D2HGDH: variants seen among roughly 807,000 people sequenced by gnomAD.
D2HGDH encodes D-2-hydroxyglutarate dehydrogenase.
D2HGDH carries 31 observed loss-of-function variants against 46.9 expected under a neutral mutation model. That is an observed-to-expected ratio of 0.66 (90% CI 0.50 to 0.89). The LOEUF (loss-of-function observed/expected upper bound fraction) is 0.89. Among genes scored for constraint, D2HGDH ranks in the 40% least tolerant of loss-of-function variants. D2HGDH has a pLI of 0.00. For missense variants in D2HGDH, 698 were observed against 720.8 expected (o/e 0.97, Z 0.36); for synonymous variants, 364 against 332.6 (o/e 1.09, Z -1.03).
Position 241,744,577 on chromosome 2 carries a change from A to G in D2HGDH, c.685-132A>G, listed in dbSNP as rs4366942. 522,360 of 1,129,218 alleles carry G rather than the reference A, an allele frequency of 0.46. 125,624 individuals are homozygous for G. The highest frequency in any genetic ancestry group is 0.79 in the African/African-American group (51,440 of 64,974). The allele number at this position is 1,129,218 out of a possible 1,614,324, so 69.9% of individuals were successfully genotyped here. On this transcript the variant is annotated intron_variant, in intron 5 of 9. Coordinates refer to ENST00000321264, the MANE Select transcript of D2HGDH (RefSeq NM_152783.5). ...TGTGTGTGGAGGGTGTCACTCGTAC[A>G]GGAGGAAAGTCCATCCTTCAGCCTC... is the stretch of plus-strand genomic sequence containing the variant.
In D2HGDH at chr2:241,742,032, G is replaced by A. The variant is rs934904783; in HGVS notation, c.351-403G>A. Among the ~76,000 whole-genome samples the A allele has an allele frequency of 2.6e-5, 4 of 152,192 alleles. No individual in the cohort carries two copies. The highest frequency in any genetic ancestry group is 2.0e-4 in the Admixed American group (3 of 15,286). On this transcript the variant is annotated intron_variant, in intron 3 of 9. Coordinates refer to ENST00000321264, the MANE Select transcript of D2HGDH (RefSeq NM_152783.5). The surrounding 1 kb of genome is among the most constrained non-coding windows in gnomAD (Gnocchi z 4.8). ...GGGAGGGAGGTATCCTTGGGCACAC[G>A]TCTGGGGGATAATGGGCCGAGGGTG...
In D2HGDH at chr2:241,743,251, C is replaced by T. The variant is rs939971224; in HGVS notation, c.491-371C>T. 1.3e-4 allele frequency among the ~76,000 whole-genome samples: 20 copies of T among 152,202 alleles called. No individual in the cohort carries two copies. Among genetic ancestry groups the T allele is most frequent in the Non-Finnish European group, 2.2e-4 (15 of 68,030 alleles). On this transcript the variant is annotated intron_variant, in intron 4 of 9. Coordinates refer to ENST00000321264, the MANE Select transcript of D2HGDH (RefSeq NM_152783.5). This position sits in a 1 kb window ranked among gnomAD's most constrained non-coding sequence, Gnocchi z 4.8. ...TTGGGTGTTGAGCAGCATCCTTGGC[C>T]TCCGCCTACAAGGTGCCCATGGCAC...
At position 241,742,694 on chromosome 2, in the gene D2HGDH, G is replaced by A. The variant is rs1219295700; in HGVS notation, c.490+120G>A. 4.0e-5 allele frequency: 53 copies of A among 1,335,458 alleles called. No homozygotes were observed. The highest frequency in any genetic ancestry group is 5.3e-5 in the Non-Finnish European group (50 of 937,322). The allele number at this position is 1,335,458 out of a possible 1,614,324, so 82.7% of individuals were successfully genotyped here. A position where few individuals can be genotyped will look rare whatever the true frequency, so the allele number is the denominator to read the frequency against. On this transcript the variant is annotated intron_variant, in intron 4 of 9. Transcript: ENST00000321264. The surrounding 1 kb of genome is among the most constrained non-coding windows in gnomAD (Gnocchi z 4.8). ...GGTGAATGAGTTAGGGCCGGCGCTG[G>A]GGAAAGAACCAGCGTCTGTAGCCTG...
At chr2:241,757,000 C>T (rs934577022) in intron 9 of D2HGDH, among the ~76,000 whole-genome samples, 7 of 152,178 alleles carry the variant, frequency 4.6e-5, no homozygotes, top group Non-Finnish European at 7.3e-5. Context: ...CTCCATCCAT[C>T]TGCCAGTAAA....
intron 8 of D2HGDH, among the ~76,000 whole-genome samples, chr2:241,751,943 C>T (rs964556504): frequency 6.6e-6 from 1 of 150,886 alleles, no homozygotes; most frequent in Admixed American, 6.6e-5. Flanking sequence ...CCCTCGGTCA[C>T]CGTCACCGGG....
intron 6 of D2HGDH, among the ~76,000 whole-genome samples, chr2:241,748,410 T>C (rs553194582): frequency 6.6e-5 from 10 of 152,328 alleles, no homozygotes; most frequent in South Asian, 6.2e-4. Flanking sequence ...TGTGAGCCAC[T>C]GTGCCCGGCC....
chr2:241,743,885 G>T lies in D2HGDH; in HGVS notation c.684+70G>T, dbSNP rs1427080634. On this transcript the variant is annotated intron_variant, in intron 5 of 9. Coordinates refer to ENST00000321264, the MANE Select transcript of D2HGDH (RefSeq NM_152783.5). The surrounding 1 kb of genome is among the most constrained non-coding windows in gnomAD (Gnocchi z 4.8). ...CCTCTCACGGCTCTCATGGGCCCACGTGGTGGCACAGGTGCATGGGGCCCC... is the reference window on the plus strand; with the variant it reads ...CCTCTCACGGCTCTCATGGGCCCACTTGGTGGCACAGGTGCATGGGGCCCC... 1 of 1,524,156 alleles carries T rather than the reference G, an allele frequency of 6.6e-7. No homozygotes were observed. The highest frequency in any genetic ancestry group is 2.5e-5 in the East Asian group (1 of 40,582). 94.4% of individuals were successfully genotyped at this position (1,524,156 alleles called of 1,614,324 possible). A position where few individuals can be genotyped will look rare whatever the true frequency, so the allele number is the denominator to read the frequency against.
At chr2:241,756,059 G>A (rs760503261) in intron 9 of D2HGDH, 45 bp downstream of exon 9, 16 of 1,557,254 alleles carry the variant, frequency 1.0e-5, no homozygotes, top group Non-Finnish European at 1.4e-5. Context: ...GCTGGGTGGT[G>A]GGCCCCACGG....
chr2:241,755,300 A>G (rs567162429), intron 8 of D2HGDH: 3 of 1,182,148 alleles, frequency 2.5e-6, no homozygotes, highest in Admixed American at 6.4e-5. Flanking sequence ...CCTGCCTCCC[A>G]CCCGACATGC....
intron 6 of D2HGDH, among the ~76,000 whole-genome samples, chr2:241,745,419 T>G (rs1575240433): frequency 6.6e-6 from 1 of 152,058 alleles, no homozygotes; most frequent in African/African-American, 2.4e-5. Flanking sequence ...ATCGGGCGGG[T>G]TTATCCAGCA....
At position 241,767,770 on chromosome 2, in the gene D2HGDH, C is replaced by G; in HGVS notation, c.1367C>G (p.Ala456Gly). ...GCCTTCAGCCCCTCGCTCCTGGCTG[C>G]CCTGGAGCCCCACGTGTACGAGTGG... ...AEAFSPSLLA[A>G]LEPHVYEWTA... Residue 456 changes from alanine to glycine, a missense_variant, in exon 10 of 10, where the codon GCC becomes GGC. Coordinates refer to ENST00000321264, the MANE Select transcript of D2HGDH (RefSeq NM_152783.5). The G allele has an allele frequency of 1.2e-6, 2 of 1,612,522 alleles. No individual in the cohort carries two copies. The highest frequency in any genetic ancestry group is 1.7e-6 in the Non-Finnish European group (2 of 1,179,550).
chr2:241,755,560 C>T (rs140492321), intron 8 of D2HGDH: 23 of 1,427,538 alleles, frequency 1.6e-5, no homozygotes, highest in Middle Eastern at 1.9e-4. Flanking sequence ...CCAGGGTGCT[C>T]GGTGCTGTCG....
At chr2:241,753,950 C>A (rs999182944) in intron 8 of D2HGDH, among the ~76,000 whole-genome samples, 2 of 152,122 alleles carry the variant, frequency 1.3e-5, no homozygotes, top group African/African-American at 4.8e-5. Flanking sequence ...ATGGGGTGTG[C>A]CGGGGAGTGC....
chr2:241,755,005 G>A, intron 8 of D2HGDH: 1 of 1,266,792 alleles, frequency 7.9e-7, no homozygotes, highest in Non-Finnish European at 1.0e-6. Flanking sequence ...TGGTCCTGCA[G>A]CCCACAGAGG....
At chr2:241,767,608 C>T (rs1402223636) in intron 9 of D2HGDH, 102 bp from the exon 10 acceptor site, 18 of 1,336,476 alleles carry the variant, frequency 1.3e-5, no homozygotes, top group South Asian at 2.9e-5. Flanking sequence ...CCGGGGGTCT[C>T]GGGGTTGCTG....
In D2HGDH at chr2:241,742,630, C is replaced by A. The variant is rs1287796514; in HGVS notation, c.490+56C>A. On this transcript the variant is annotated intron_variant, in intron 4 of 9. Transcript: ENST00000321264. The surrounding 1 kb of genome is among the most constrained non-coding windows in gnomAD (Gnocchi z 4.8). ...AGTCCCTCCTGGTGCTGGTGGAGTT[C>A]TTCCTTGCCAGCGTCTGCAACTGTG... 6.2e-7 allele frequency: 1 copy of A among 1,606,082 alleles called. No individual in the cohort carries two copies. The highest frequency in any genetic ancestry group is 8.5e-7 in the Non-Finnish European group (1 of 1,173,124).
intron 9 of D2HGDH, among the ~76,000 whole-genome samples, chr2:241,761,780 C>T (rs1698848003): frequency 6.6e-6 from 1 of 152,084 alleles, no homozygotes; most frequent in Non-Finnish European, 1.5e-5. Flanking sequence ...TTGCACACAG[C>T]TTCTGCTTGA....
In D2HGDH at chr2:241,743,908, C is replaced by T. The variant is rs1695177668; in HGVS notation, c.684+93C>T. 2.1e-6 allele frequency: 3 copies of T among 1,431,774 alleles called. No individual in the cohort carries two copies. The highest frequency in any genetic ancestry group is 2.0e-5 in the Admixed American group (1 of 49,128). The allele number at this position is 1,431,774 out of a possible 1,614,324, so 88.7% of individuals were successfully genotyped here. On this transcript the variant is annotated intron_variant, in intron 5 of 9. Coordinates refer to ENST00000321264, the MANE Select transcript of D2HGDH (RefSeq NM_152783.5). This position sits in a 1 kb window ranked among gnomAD's most constrained non-coding sequence, Gnocchi z 4.8. ...ACGTGGTGGCACAGGTGCATGGGGC[C>T]CCTCGGGGTGGGAGGTCTTGGTTCC...
At chr2:241,736,755 C>T (rs972892094) in intron 2 of D2HGDH, among the ~76,000 whole-genome samples, 14 of 151,310 alleles carry the variant, frequency 9.3e-5, no homozygotes, top group East Asian at 3.9e-4. Context: ...CTGCGACCTT[C>T]CCCTCCTGGG....
Sources: allele counts gnomAD v4.1 joint callset (sites outside exome capture counted in the v4.1 genomes callset), GRCh38; gene constraint gnomAD v4.1.1; non-coding constraint Gnocchi (gnomAD v3.1); transcripts MANE v1.5; gene names NCBI Gene and HGNC (gene_info 2026-07-23, HGNC 2026-07-21).